COX10: variants seen among roughly 807,000 people sequenced by gnomAD.
COX10 encodes the protein protoheme IX farnesyltransferase, mitochondrial.
In COX10, 27 loss-of-function variants were observed where a neutral mutation model predicts 37.3. That is an observed-to-expected ratio of 0.72 (90% CI 0.53 to 1.00). The LOEUF (loss-of-function observed/expected upper bound fraction) is 1.00, where lower values mean the gene tolerates loss of function less well. Among genes scored for constraint, COX10 ranks in the 50% least tolerant of loss-of-function variants. The pLI is 0.00. For synonymous variants in COX10, 222 were observed against 229.1 expected, an observed-to-expected ratio of 0.97 and a Z score of 0.28; for missense variants, 475 against 563.2, an observed-to-expected ratio of 0.84 and a Z score of 1.59.
chr17:14,076,674 A>C (rs1915158413), intron 2 of COX10, 61 bp from the exon 3 acceptor site: 5 of 1,519,648 alleles, frequency 3.3e-6, no homozygotes, highest in Non-Finnish European at 4.6e-6. Flanking sequence ...GATGTTGCTA[A>C]ATAACCATTT....
chr17:14,161,027 T>C (rs1905161683), intron 5 of COX10, among the ~76,000 whole-genome samples: 1 of 152,216 alleles, frequency 6.6e-6, no homozygotes, highest in African/African-American at 2.4e-5. Flanking sequence ...TTCAGTCATT[T>C]TTCCTCAGTG....
At position 14,086,352 on chromosome 17, in the gene COX10, T is replaced by C. The variant is rs181089696; in HGVS notation, c.499+9296T>C. 2.1e-4 allele frequency among the ~76,000 whole-genome samples: 32 copies of C among 152,224 alleles called. No individual in the cohort carries two copies. The East Asian group carries it at 5.6e-3, about 27-fold the overall frequency. ...ATGTAGTTTGGTCAGTGGTATAAGA[T>C]AGAGATATTGCCAGTTTTTAATAAA... On this transcript the variant is annotated intron_variant, in intron 3 of 6. Transcript: ENST00000261643.
intron 3 of COX10, among the ~76,000 whole-genome samples, chr17:14,090,402 C>A (rs1407652238): frequency 6.6e-6 from 1 of 151,970 alleles, no homozygotes; most frequent in African/African-American, 2.4e-5. Context: ...TTTGGAAAAC[C>A]TTTCCAAAAT....
intron 4 of COX10, among the ~76,000 whole-genome samples, chr17:14,115,416 C>T (rs1435647398): frequency 6.6e-6 from 1 of 152,082 alleles, no homozygotes; most frequent in African/African-American, 2.4e-5. Context: ...AAAGGGAACT[C>T]ATACACTGTT....
At chr17:14,095,343 C>T (rs1915621150) in intron 3 of COX10, among the ~76,000 whole-genome samples, 3 of 152,146 alleles carry the variant, frequency 2.0e-5, no homozygotes, top group South Asian at 2.1e-4. Flanking sequence ...TTTGTCACCA[C>T]CTTCAAAATA....
chr17:14,089,299 G>T (rs1224824494), intron 3 of COX10, among the ~76,000 whole-genome samples: 1 of 152,174 alleles, frequency 6.6e-6, no homozygotes, highest in Non-Finnish European at 1.5e-5. Flanking sequence ...TTTAAATGCA[G>T]TATATTTAAA....
chr17:14,145,342 C>CT (rs919228415), intron 4 of COX10, among the ~76,000 whole-genome samples: 17 of 152,088 alleles, frequency 1.1e-4, no homozygotes, highest in Admixed American at 3.9e-4. Flanking sequence ...TATAAGGTGT[C>CT]TTTTTCCAGC....
At chr17:14,141,529 C>CA (rs71147842) in intron 4 of COX10, among the ~76,000 whole-genome samples, 5,347 of 67,418 alleles carry the variant, frequency 0.079, 320 homozygotes, top group South Asian at 0.087. Context: ...GTCCCTGTCT[C>CA]AAAAAAAAAA....
At chr17:14,188,584 G>A (rs1355832333) in intron 5 of COX10, among the ~76,000 whole-genome samples, 1 of 151,576 alleles carries the variant, frequency 6.6e-6, no homozygotes, top group Non-Finnish European at 1.5e-5. Flanking sequence ...CAGAGTCCTG[G>A]GAATTTAACC....
At chr17:14,082,549 A>G (rs1038105709) in intron 3 of COX10, among the ~76,000 whole-genome samples, 1 of 152,162 alleles carries the variant, frequency 6.6e-6, no homozygotes, top group Non-Finnish European at 1.5e-5. Context: ...TCTTGGCCAC[A>G]TCTTCCATTC....
At chr17:14,130,165 G>C (rs921940648) in intron 4 of COX10, among the ~76,000 whole-genome samples, 4 of 152,134 alleles carry the variant, frequency 2.6e-5, no homozygotes, top group Non-Finnish European at 5.9e-5. Context: ...TTATCTTAGA[G>C]GTGATTGTAT....
At chr17:14,116,165 T>C (rs942202385) in intron 4 of COX10, among the ~76,000 whole-genome samples, 1 of 152,156 alleles carries the variant, frequency 6.6e-6, no homozygotes, top group Non-Finnish European at 1.5e-5. Context: ...ATTTGAAGGC[T>C]TTTAAAAGTT....
chr17:14,206,795 C>G lies in COX10; in HGVS notation c.929-15C>G. The stretch of plus-strand genomic sequence containing the variant: ...ACTGCCTTTGTCTCCCTCTCCTTCC[C>G]TGACCCCCGCACAGGCGCATTTCTC... On this transcript the variant is annotated splice_polypyrimidine_tract_variant and intron_variant, in intron 6 of 6. Coordinates refer to ENST00000261643, the MANE Select transcript of COX10 (RefSeq NM_001303.4). 6.2e-7 allele frequency: 1 copy of G among 1,609,356 alleles called. No individual in the cohort carries two copies. Among genetic ancestry groups the G allele is most frequent in the Non-Finnish European group, 8.5e-7 (1 of 1,176,598 alleles).
intron 4 of COX10, among the ~76,000 whole-genome samples, chr17:14,103,896 C>T (rs992968656): frequency 2.6e-5 from 4 of 152,118 alleles, no homozygotes; most frequent in African/African-American, 7.2e-5. Context: ...TTTAAAAATA[C>T]GGGGGAAAGC....
intron 4 of COX10, among the ~76,000 whole-genome samples, chr17:14,131,009 A>T (rs1455257583): frequency 6.6e-6 from 1 of 152,134 alleles, no homozygotes; most frequent in African/African-American, 2.4e-5. Context: ...CACCTAGTTC[A>T]CCACTATTCC....
chr17:14,159,049 T>A (rs1905115688), intron 4 of COX10, among the ~76,000 whole-genome samples: 2 of 152,206 alleles, frequency 1.3e-5, no homozygotes, highest in African/African-American at 4.8e-5. Flanking sequence ...TGTCTTTTAA[T>A]AGGTAAACAA....
chr17:14,088,879 A>T (rs1419683436), intron 3 of COX10, among the ~76,000 whole-genome samples: 1 of 152,080 alleles, frequency 6.6e-6, no homozygotes, highest in Admixed American at 6.5e-5. Context: ...ATCATATTGT[A>T]TTCTGGGCAG....
At chr17:14,142,613 A>G (rs1015373206) in intron 4 of COX10, among the ~76,000 whole-genome samples, 1 of 152,206 alleles carries the variant, frequency 6.6e-6, no homozygotes, top group Non-Finnish European at 1.5e-5. Flanking sequence ...GAAAGACTCA[A>G]AATGAACCAT....
At chr17:14,105,682 CA>C (rs1915876060) in intron 4 of COX10, among the ~76,000 whole-genome samples, 1 of 152,132 alleles carries the variant, frequency 6.6e-6, no homozygotes, top group Non-Finnish European at 1.5e-5. Flanking sequence ...TATAGATAAG[CA>C]AAAATAACAA....
Sources: gnomAD v4.1 joint callset for allele counts (sites outside exome capture counted in the v4.1 genomes callset) on GRCh38, gnomAD v4.1.1 for gene constraint, MANE v1.5 for transcripts, NCBI Gene and HGNC (gene_info 2026-07-23, HGNC 2026-07-21) for gene names.